The following CSMD1 variants were observed in gnomAD, a reference collection of about 807,000 sequenced individuals.
CSMD1 encodes the protein CUB and Sushi multiple domains 1.
CSMD1 carries 213 observed loss-of-function variants against 417.5 expected under a neutral mutation model. The observed-to-expected ratio is 0.51, with a 90% CI of 0.46 to 0.57. CSMD1 has a LOEUF of 0.57. Ranked by LOEUF, CSMD1 falls within the 20% of genes least tolerant of loss-of-function variation. CSMD1 has a pLI of 0.00. For missense variants in CSMD1, 6,923 were observed against 4,529.7 expected (o/e 1.53, Z -15.17); for synonymous variants, 2,862 against 1,736.8 (o/e 1.65, Z -16.11).
At chr8:3,429,514 A>G (rs1563380076) in intron 12 of CSMD1, among the ~76,000 whole-genome samples, 1 of 152,202 alleles carries the variant, frequency 6.6e-6, no homozygotes, top group Non-Finnish European at 1.5e-5. Context: ...GGAAAAAGGC[A>G]TGAAGACACT....
At chr8:4,448,129 T>G (rs1340167706) in intron 2 of CSMD1, among the ~76,000 whole-genome samples, 1 of 152,184 alleles carries the variant, frequency 6.6e-6, no homozygotes, top group Non-Finnish European at 1.5e-5. Context: ...AGTTCTCACT[T>G]TTACCAATGT....
chr8:3,934,948 A>T (rs1020361047), intron 5 of CSMD1, among the ~76,000 whole-genome samples: 1 of 152,160 alleles, frequency 6.6e-6, no homozygotes. Flanking sequence ...TATAAAAGTA[A>T]TATTTACAAA....
At chr8:3,172,366 T>C (rs894288677) in intron 37 of CSMD1, among the ~76,000 whole-genome samples, 1 of 152,124 alleles carries the variant, frequency 6.6e-6, no homozygotes, top group East Asian at 1.9e-4. Flanking sequence ...TGACTAATGC[T>C]CATTTTTTTT....
intron 3 of CSMD1, among the ~76,000 whole-genome samples, chr8:4,066,819 G>C (rs1195344473): frequency 1.3e-5 from 2 of 152,164 alleles, no homozygotes; most frequent in Non-Finnish European, 2.9e-5. Context: ...AAGCGAAAGC[G>C]ACAACACCCA....
chr8:4,910,313 G>C (rs1805575798), intron 1 of CSMD1, among the ~76,000 whole-genome samples: 1 of 152,144 alleles, frequency 6.6e-6, no homozygotes, highest in Non-Finnish European at 1.5e-5. Context: ...AACTTTATAA[G>C]CTTTTTCTGT....
chr8:3,737,059 G>A (rs2623701), intron 6 of CSMD1, among the ~76,000 whole-genome samples: 1 of 152,246 alleles, frequency 6.6e-6, no homozygotes, highest in African/African-American at 2.4e-5. Context: ...GCTTTAAGCG[G>A]ATTTGAAAGT....
At chr8:3,469,996 GT>G (rs1474398413) in intron 11 of CSMD1, among the ~76,000 whole-genome samples, 1 of 152,056 alleles carries the variant, frequency 6.6e-6, no homozygotes, top group Non-Finnish European at 1.5e-5. Flanking sequence ...ATTTATTGAA[GT>G]GTAACAAGCC....
chr8:3,402,548 C>T lies in CSMD1; in HGVS notation c.2267-3019G>A, dbSNP rs1241673764. ...CCATAAAATTTATACTCAACATGTG[C>T]CTGGCATCCAGAAAATTCTGCCAGA... On this transcript the variant is annotated intron_variant, in intron 15 of 69. Transcript: ENST00000635120. 4.6e-5 allele frequency among the ~76,000 whole-genome samples: 7 copies of T among 152,092 alleles called. No individual in the cohort carries two copies. The East Asian group carries it at 1.3e-3, about 29-fold the overall frequency.
intron 7 of CSMD1, among the ~76,000 whole-genome samples, chr8:3,671,547 TC>T (rs1563257024): frequency 1.2e-3 from 5 of 4,072 alleles, no homozygotes; most frequent in Non-Finnish European, 2.2e-3. Context: ...ATATATATGA[TC>T]ATATATATGA....
chr8:3,084,309 AG>A (rs1265054276), intron 49 of CSMD1, among the ~76,000 whole-genome samples: 1 of 152,110 alleles, frequency 6.6e-6, no homozygotes, highest in Non-Finnish European at 1.5e-5. Context: ...GGATCACCTG[AG>A]GTCAGGAGTT....
intron 26 of CSMD1, among the ~76,000 whole-genome samples, chr8:3,240,670 C>G (rs965153103): frequency 1.3e-5 from 2 of 151,742 alleles, no homozygotes; most frequent in Non-Finnish European, 2.9e-5. Flanking sequence ...GAATGAAAGG[C>G]GCAAAGGAAT....
chr8:3,102,246 G>T (rs187404715), intron 46 of CSMD1, among the ~76,000 whole-genome samples: 1 of 152,258 alleles, frequency 6.6e-6, no homozygotes, highest in African/African-American at 2.4e-5. Context: ...TGATAATTAA[G>T]TGATTCAGTG....
Position 2,935,675 on chromosome 8 carries a change from T to TA in CSMD1, c.*2909dup, listed in dbSNP as rs1801403954. The TA allele has an allele frequency of 6.6e-6, 1 of 152,190 alleles. No homozygotes were observed. The highest frequency in any genetic ancestry group is 2.1e-4 in the South Asian group (1 of 4,828). The allele number at this position is 152,190 out of a possible 1,614,324, so 9.4% of individuals were successfully genotyped here. Reference sequence around the variant, plus strand: ...ATTCTTCATAAAAAATATATCTCTGTACAAAAAGGTCTTTCGCACCTACGT... The same window carrying TA: ...ATTCTTCATAAAAAATATATCTCTGTAACAAAAAGGTCTTTCGCACCTACGT... On this transcript the variant is annotated 3_prime_UTR_variant, in exon 70 of 70. Coordinates refer to ENST00000635120, the MANE Select transcript of CSMD1 (RefSeq NM_033225.6).
intron 12 of CSMD1, among the ~76,000 whole-genome samples, chr8:3,425,132 T>A (rs1813750071): frequency 6.6e-6 from 1 of 152,176 alleles, no homozygotes. Flanking sequence ...ATTTTATCAT[T>A]AGTCATTGTT....
At chr8:4,137,046 C>T (rs765897029) in intron 3 of CSMD1, among the ~76,000 whole-genome samples, 1 of 152,170 alleles carries the variant, frequency 6.6e-6, no homozygotes, top group African/African-American at 2.4e-5. Flanking sequence ...AGTTGGTTGG[C>T]TTTTCGGGCT....
At chr8:3,862,360 A>C (rs1804774368) in intron 5 of CSMD1, among the ~76,000 whole-genome samples, 1 of 151,854 alleles carries the variant, frequency 6.6e-6, no homozygotes, top group African/African-American at 2.4e-5. Flanking sequence ...GCTTCCTCAG[A>C]TTTATCCTCT....
At chr8:4,598,787 T>A (rs1800418220) in intron 2 of CSMD1, among the ~76,000 whole-genome samples, 1 of 152,122 alleles carries the variant, frequency 6.6e-6, no homozygotes. Context: ...TTTTTTTCAA[T>A]CACAGAAATA....
At chr8:3,153,037 G>C (rs1412658140) in intron 39 of CSMD1, among the ~76,000 whole-genome samples, 1 of 152,192 alleles carries the variant, frequency 6.6e-6, no homozygotes, top group African/African-American at 2.4e-5. Flanking sequence ...TTCCCAGATG[G>C]TGAAGGCTTT....
rs576852873 is a variant in CSMD1 at position 4,755,873 on chromosome 8, G to A, written c.86-118315C>T. On this transcript the variant is annotated intron_variant, in intron 1 of 69. Coordinates refer to ENST00000635120, the MANE Select transcript of CSMD1 (RefSeq NM_033225.6). ...ACCACACCAACCTGGTCCAACGTGA[G>A]AAACTCATAATGGGCTGCTCGGCCT... 6.6e-5 allele frequency among the ~76,000 whole-genome samples: 10 copies of A among 152,212 alleles called. No homozygotes were observed. The South Asian group carries it at 1.7e-3, about 25-fold the overall frequency.
Sources: gnomAD v4.1 joint callset for allele counts (sites outside exome capture counted in the v4.1 genomes callset) on GRCh38, gnomAD v4.1.1 for gene constraint, MANE v1.5 for transcripts, NCBI Gene and HGNC (gene_info 2026-07-23, HGNC 2026-07-21) for gene names.